NAA15: variants seen among roughly 807,000 people sequenced by gnomAD.
NAA15 encodes the protein N-alpha-acetyltransferase 15, NatA auxiliary subunit, also known as N-terminal acetyltransferase.
NAA15 carries 34 observed loss-of-function variants against 114.0 expected under a neutral mutation model. The observed-to-expected ratio is 0.30, with a 90% CI of 0.23 to 0.40. NAA15 has a LOEUF of 0.40. Ranked by LOEUF, NAA15 falls within the 10% of genes least tolerant of loss-of-function variation. The pLI, the probability that NAA15 is intolerant of heterozygous loss-of-function variation, is 1.00. For missense variants in NAA15, 658 were observed against 1,004.5 expected, an observed-to-expected ratio of 0.66 and a Z score of 4.66; for synonymous variants, 340 against 338.0, an observed-to-expected ratio of 1.01 and a Z score of -0.06.
intron 1 of NAA15, among the ~76,000 whole-genome samples, chr4:139,309,040 T>G (rs1330428868): frequency 1.3e-5 from 2 of 152,158 alleles, no homozygotes; most frequent in African/African-American, 4.8e-5. Flanking sequence ...AATTACAAAA[T>G]GATTTTTCTG....
intron 10 of NAA15, among the ~76,000 whole-genome samples, chr4:139,356,894 G>C (rs1028226440): frequency 6.7e-6 from 1 of 149,394 alleles, no homozygotes; most frequent in Admixed American, 6.8e-5. Flanking sequence ...AATATATTAA[G>C]AATATAATCA....
Position 139,385,933 on chromosome 4 carries a change from C to G in NAA15, c.2303-200C>G, listed in dbSNP as rs370671905. Among the ~76,000 whole-genome samples, 100 of 152,250 alleles carry G rather than the reference C, an allele frequency of 6.6e-4. No individual in the cohort carries two copies. In the South Asian group the frequency reaches 0.02, roughly 31 times the overall value. The stretch of plus-strand genomic sequence containing the variant: ...ATATATGTGGTATACCTCTATTGTT[C>G]TCTTTCTTTGGATGGTTAAGCTAAT... On this transcript the variant is annotated intron_variant, in intron 18 of 19. Coordinates refer to ENST00000296543, the MANE Select transcript of NAA15 (RefSeq NM_057175.5).
At chr4:139,371,497 G>GCGCACACA (rs1389164527) in intron 15 of NAA15, among the ~76,000 whole-genome samples, 71 of 113,678 alleles carry the variant, frequency 6.2e-4, no homozygotes, top group African/African-American at 1.4e-3. Flanking sequence ...AAGAAAAGTA[G>GCGCACACA]CACACACACA....
chr4:139,344,313 A>T lies in NAA15; in HGVS notation c.665A>T (p.Asp222Val). The change falls in exon 6 of 20, where the codon GAT becomes GTT. Residue 222 changes from aspartate (D) to valine (V), a missense_variant. Around this residue, in one of 6 missense-constraint regions of NAA15, gnomAD observed 281 missense variants for 389.1 expected, o/e 0.72. Coordinates refer to ENST00000296543, the MANE Select transcript of NAA15 (RefSeq NM_057175.5). ...TGTACCTATGAAAAGCAGATTTGTG[A>T]TAAACTTGCTGTAGAAGAAACCAAA... Reference protein sequence around the residue: ...HLCTYEKQICDKLAVEETKGE... With the variant: ...HLCTYEKQICVKLAVEETKGE... 1 of 1,610,418 alleles carries T rather than the reference A, an allele frequency of 6.2e-7. No individual in the cohort carries two copies. The highest frequency in any genetic ancestry group is 1.7e-5 in the Admixed American group (1 of 59,380).
At chr4:139,303,271 A>C (rs1233439302) in intron 1 of NAA15, among the ~76,000 whole-genome samples, 1 of 152,202 alleles carries the variant, frequency 6.6e-6, no homozygotes. Flanking sequence ...TTACTTTTAA[A>C]CCCTTAAAAA....
intron 1 of NAA15, among the ~76,000 whole-genome samples, chr4:139,304,821 C>T (rs1365582975): frequency 2.0e-5 from 3 of 152,052 alleles, no homozygotes; most frequent in African/African-American, 4.8e-5. Context: ...CTTTTAGAAC[C>T]ACATCCATTA....
chr4:139,379,742 C>T (rs1469050630), intron 17 of NAA15, among the ~76,000 whole-genome samples: 2 of 152,156 alleles, frequency 1.3e-5, no homozygotes, highest in African/African-American at 2.4e-5. Flanking sequence ...CTAAATTGTC[C>T]CAATTGAGAA....
chr4:139,324,298 G>C (rs1257955454), intron 1 of NAA15, among the ~76,000 whole-genome samples: 2 of 152,198 alleles, frequency 1.3e-5, no homozygotes, highest in Non-Finnish European at 2.9e-5. Context: ...TAGTATTTTT[G>C]AAAGTATTAT....
chr4:139,357,327 G>T, intron 10 of NAA15, 59 bp from the exon 11 acceptor site: 1 of 1,469,546 alleles, frequency 6.8e-7, no homozygotes, highest in East Asian at 2.3e-5. Flanking sequence ...GACCATTTTG[G>T]GGGGTGCTCT....
intron 1 of NAA15, among the ~76,000 whole-genome samples, chr4:139,319,862 ACAGGTTC>A (rs982246239): frequency 6.6e-6 from 1 of 152,184 alleles, no homozygotes; most frequent in African/African-American, 2.4e-5. Flanking sequence ...CCTCTTACCA[ACAGGTTC>A]CTAAAGCTCT....
intron 6 of NAA15, 107 bp downstream of exon 6, chr4:139,344,446 TA>T: frequency 1.2e-6 from 1 of 845,988 alleles, no homozygotes; most frequent in Non-Finnish European, 1.8e-6. Flanking sequence ...TTTTTGATGA[TA>T]GGAAATCTAT....
At chr4:139,335,061 A>T (rs1747152374) in intron 2 of NAA15, among the ~76,000 whole-genome samples, 1 of 152,108 alleles carries the variant, frequency 6.6e-6, no homozygotes. Flanking sequence ...GCTCACTCCT[A>T]ATGATCCCAA....
chr4:139,313,196 G>T (rs955026234), intron 1 of NAA15, among the ~76,000 whole-genome samples: 1 of 151,890 alleles, frequency 6.6e-6, no homozygotes, highest in Non-Finnish European at 1.5e-5. Context: ...GCCTGGCCTT[G>T]GTTGGTTGTC....
chr4:139,316,904 T>A (rs1242723815), intron 1 of NAA15, among the ~76,000 whole-genome samples: 1 of 150,728 alleles, frequency 6.6e-6, no homozygotes, highest in East Asian at 2.0e-4. Flanking sequence ...GGTCACTTCC[T>A]TTTTTTCCTT....
At chr4:139,320,967 C>G (rs1025985763) in intron 1 of NAA15, among the ~76,000 whole-genome samples, 2 of 152,168 alleles carry the variant, frequency 1.3e-5, no homozygotes, top group Admixed American at 6.5e-5. Context: ...TTTTTATCCT[C>G]TGGCTAGAAA....
intron 1 of NAA15, among the ~76,000 whole-genome samples, chr4:139,321,898 TC>T (rs892783067): frequency 1.3e-5 from 2 of 152,168 alleles, no homozygotes; most frequent in African/African-American, 4.8e-5. Context: ...TATTTCTGAC[TC>T]TTTTTTTATT....
chr4:139,313,879 A>G (rs1398615680), intron 1 of NAA15, among the ~76,000 whole-genome samples: 1 of 151,784 alleles, frequency 6.6e-6, no homozygotes, highest in Non-Finnish European at 1.5e-5. Context: ...AGGTAATTCC[A>G]CTGTATCGGG....
At chr4:139,334,146 CTTAAA>C (rs753306649) in intron 1 of NAA15, 23 bp from the exon 2 acceptor site, 57 of 1,472,844 alleles carry the variant, frequency 3.9e-5, no homozygotes, top group Non-Finnish European at 5.2e-5. Flanking sequence ...CCTTGCTAAA[CTTAAA>C]TTTTTCTTTT....
intron 9 of NAA15, among the ~76,000 whole-genome samples, chr4:139,351,932 T>G (rs1443209890): frequency 2.6e-5 from 4 of 151,904 alleles, no homozygotes; most frequent in African/African-American, 9.6e-5. Flanking sequence ...GAAGCCAGAG[T>G]GTGCTTGTTT....
Sources: allele counts gnomAD v4.1 joint callset (sites outside exome capture counted in the v4.1 genomes callset), GRCh38; gene constraint gnomAD v4.1.1; regional missense constraint gnomAD v4.1.1; transcripts MANE v1.5; gene names NCBI Gene and HGNC (gene_info 2026-07-23, HGNC 2026-07-21).